The following THSD7B variants were observed in gnomAD, a reference collection of about 807,000 sequenced individuals.
THSD7B encodes thrombospondin type-1 domain-containing protein 7B.
THSD7B carries 138 observed loss-of-function variants against 213.6 expected under a neutral mutation model. The observed-to-expected ratio is 0.65, with a 90% CI of 0.56 to 0.74. The LOEUF is 0.74. Among genes scored for constraint, THSD7B ranks in the 30% least tolerant of loss-of-function variants. THSD7B has a pLI of 0.00. For synonymous variants in THSD7B, 742 were observed against 687.0 expected, an observed-to-expected ratio of 1.08 and a Z score of -1.25; for missense variants, 1,931 against 1,991.5, an observed-to-expected ratio of 0.97 and a Z score of 0.58.
intron 2 of THSD7B, among the ~76,000 whole-genome samples, chr2:137,033,053 A>T (rs1686705074): frequency 6.6e-6 from 1 of 152,220 alleles, no homozygotes; most frequent in Non-Finnish European, 1.5e-5. Flanking sequence ...ATTCAAGTTC[A>T]TTGTTATGTG....
chr2:137,180,320 T>C (rs1473557014), intron 7 of THSD7B, among the ~76,000 whole-genome samples: 1 of 152,196 alleles, frequency 6.6e-6, no homozygotes, highest in Non-Finnish European at 1.5e-5. Context: ...TATCAGAGTA[T>C]TTAACAGTTG....
intron 12 of THSD7B, among the ~76,000 whole-genome samples, chr2:137,369,595 G>C (rs371924251): frequency 2.0e-5 from 3 of 152,180 alleles, no homozygotes; most frequent in African/African-American, 7.2e-5. Flanking sequence ...AGTGAACTAA[G>C]AGCTGCAAAG....
intron 12 of THSD7B, among the ~76,000 whole-genome samples, chr2:137,343,043 T>A (rs1684797024): frequency 6.6e-6 from 1 of 151,608 alleles, no homozygotes; most frequent in African/African-American, 2.4e-5. Context: ...TGCTGCCACA[T>A]AAAAAGAATT....
At position 137,490,895 on chromosome 2, in the gene THSD7B, A is replaced by G. The variant is rs112952773; in HGVS notation, c.3138+39872A>G. ...TGTTAGAAAAATAATAAATTCAAGC[A>G]TGTTGTGGATTATCCAAATAACCAG... On this transcript the variant is annotated intron_variant, in intron 15 of 27. Coordinates refer to ENST00000409968, the MANE Select transcript of THSD7B (RefSeq NM_001316349.2). Among the ~76,000 whole-genome samples, 163 of 152,374 alleles carry G rather than the reference A, an allele frequency of 1.1e-3. 1 individual carries two copies. The highest frequency in any genetic ancestry group is 3.7e-3 in the African/African-American group (155 of 41,602).
chr2:137,213,477 G>T (rs910834813), intron 7 of THSD7B, among the ~76,000 whole-genome samples: 1 of 147,264 alleles, frequency 6.8e-6, no homozygotes, highest in Non-Finnish European at 1.5e-5. Context: ...TTTATATTAG[G>T]TCATATGTTA....
intron 20 of THSD7B, among the ~76,000 whole-genome samples, chr2:137,628,054 T>C (rs1057218131): frequency 3.9e-5 from 6 of 152,252 alleles, no homozygotes; most frequent in Non-Finnish European, 7.3e-5. Flanking sequence ...GTTTAGTTTT[T>C]GTTTTGAGAA....
intron 2 of THSD7B, among the ~76,000 whole-genome samples, chr2:136,965,377 G>A: frequency 6.6e-6 from 1 of 152,212 alleles, no homozygotes. Flanking sequence ...ATGGGGATGG[G>A]AAGAATGTGC....
chr2:137,509,451 GTTTA>G (rs369558869), intron 15 of THSD7B, among the ~76,000 whole-genome samples: 62 of 150,818 alleles, frequency 4.1e-4, no homozygotes, highest in African/African-American at 1.2e-3. Flanking sequence ...CAAGATATCT[GTTTA>G]TTTATCTTAA....
At chr2:136,844,014 C>A (rs2104957812) in intron 1 of THSD7B, among the ~76,000 whole-genome samples, 1 of 152,244 alleles carries the variant, frequency 6.6e-6, no homozygotes. Flanking sequence ...CTCTGAGAGG[C>A]CAGAGGCCTC....
intron 13 of THSD7B, among the ~76,000 whole-genome samples, chr2:137,410,918 C>T (rs1012589611): frequency 6.6e-5 from 10 of 152,148 alleles, no homozygotes; most frequent in African/African-American, 2.4e-4. Context: ...AACATGATTA[C>T]CAAGTGTTTA....
intron 15 of THSD7B, among the ~76,000 whole-genome samples, chr2:137,465,140 T>C (rs561067985): frequency 6.6e-6 from 1 of 152,026 alleles, no homozygotes; most frequent in African/African-American, 2.4e-5. Context: ...TAATCCTTTT[T>C]TCTACCACTG....
At chr2:137,545,686 C>G (rs1558833881) in intron 15 of THSD7B, among the ~76,000 whole-genome samples, 1 of 151,882 alleles carries the variant, frequency 6.6e-6, no homozygotes, top group East Asian at 1.9e-4. Context: ...AAGTGAGAAG[C>G]CAGCTCAGAT....
intron 1 of THSD7B, among the ~76,000 whole-genome samples, chr2:136,837,836 A>T (rs950896378): frequency 2.0e-5 from 3 of 152,174 alleles, no homozygotes; most frequent in African/African-American, 7.2e-5. Context: ...CCTTGCAATT[A>T]ATATTCAACA....
rs114766661 is a variant in THSD7B, at chr2:137,008,098, T to C, written c.140-48322T>C. 5.3e-3 allele frequency among the ~76,000 whole-genome samples: 810 copies of C among 152,114 alleles called. 7 individuals carry two copies. The highest frequency in any genetic ancestry group is 0.019 in the African/African-American group (773 of 41,442). ...CTACTAGCAAAGACATGAAAAAGTG[T>C]TGTATAATCAAAAAAAAGACTATAT... On this transcript the variant is annotated intron_variant, in intron 2 of 27. Coordinates refer to ENST00000409968, the MANE Select transcript of THSD7B (RefSeq NM_001316349.2).
In THSD7B at chr2:137,272,679, T is replaced by C; in HGVS notation, c.2396+17T>C. 1 of 1,608,330 alleles carries C rather than the reference T, an allele frequency of 6.2e-7. No individual in the cohort carries two copies. Among genetic ancestry groups the C allele is most frequent in the Non-Finnish European group, 8.5e-7 (1 of 1,177,170 alleles). ...TGTATATCGGCAAGTAGTTACCTTT[T>C]AAAATTATCGTTAGACCTACTGTAA... On this transcript the variant is annotated intron_variant, in intron 11 of 27. Coordinates refer to ENST00000409968, the MANE Select transcript of THSD7B (RefSeq NM_001316349.2).
In THSD7B at chr2:137,310,096, T is replaced by G. The variant is rs533950716; in HGVS notation, c.2500+34070T>G. On this transcript the variant is annotated intron_variant, in intron 12 of 27. Coordinates refer to ENST00000409968, the MANE Select transcript of THSD7B (RefSeq NM_001316349.2). ...GGAATCGCCACACTGACTTCCACAA[T>G]GGTTGAACTAGTTTACAGTCCCACC... Among the ~76,000 whole-genome samples, 45 of 152,042 alleles carry G rather than the reference T, an allele frequency of 3.0e-4. No homozygotes were observed. The East Asian group carries it at 5.6e-3, about 19-fold the overall frequency.
chr2:136,915,963 A>C (rs1163564548), intron 2 of THSD7B, among the ~76,000 whole-genome samples: 1 of 152,230 alleles, frequency 6.6e-6, no homozygotes, highest in Non-Finnish European at 1.5e-5. Flanking sequence ...ACAATTGTAA[A>C]GATAATAACT....
At chr2:137,434,973 T>C (rs1050331052) in intron 14 of THSD7B, among the ~76,000 whole-genome samples, 4 of 152,212 alleles carry the variant, frequency 2.6e-5, no homozygotes, top group South Asian at 2.1e-4. Flanking sequence ...TACGGTAGTC[T>C]TCAGTACTAT....
At chr2:137,511,155 T>C (rs572951265) in intron 15 of THSD7B, among the ~76,000 whole-genome samples, 3 of 152,358 alleles carry the variant, frequency 2.0e-5, no homozygotes, top group African/African-American at 7.2e-5. Context: ...TTCTGAAGTT[T>C]ATTTGTTTGA....
Sources: allele counts gnomAD v4.1 joint callset (sites outside exome capture counted in the v4.1 genomes callset), GRCh38; gene constraint gnomAD v4.1.1; transcripts MANE v1.5; gene names NCBI Gene and HGNC (gene_info 2026-07-23, HGNC 2026-07-21).